KLHL32: variants seen among roughly 807,000 people sequenced by gnomAD.
KLHL32 encodes kelch like family member 32, also known as kelch-like protein 32.
KLHL32 carries 35 observed loss-of-function variants against 64.8 expected under a neutral mutation model. That is an observed-to-expected ratio of 0.54 (90% confidence interval 0.41 to 0.72). The LOEUF (loss-of-function observed/expected upper bound fraction) is 0.72. Ranked by LOEUF, KLHL32 falls within the 30% of genes least tolerant of loss-of-function variation. The pLI, the probability that KLHL32 is intolerant of heterozygous loss-of-function variation, is 0.00. For missense variants in KLHL32, 589 were observed against 768.5 expected (o/e 0.77, Z 2.76); for synonymous variants, 259 against 281.0 (o/e 0.92, Z 0.78).
intron 1 of KLHL32, among the ~76,000 whole-genome samples, chr6:96,964,601 C>A (rs549439506): frequency 4.1e-4 from 62 of 152,120 alleles, no homozygotes; most frequent in Non-Finnish European, 5.7e-4. Flanking sequence ...TGCAGTGAGC[C>A]GAGATCGCCC....
In KLHL32 at chr6:97,114,122, A is replaced by G; in HGVS notation, c.967A>G (p.Ile323Val). The change falls in exon 7 of 11, where the codon ATT becomes GTT. Residue 323 changes from isoleucine (I) to valine (V), a missense_variant. By Grantham distance (29) the Ile-to-Val change is conservative (BLOSUM62 3). Coordinates refer to ENST00000369261, the MANE Select transcript of KLHL32 (RefSeq NM_052904.4). ...VDQENALIAA[I>V]ANWSELAPMP... ...TCAGGAGAATGCTCTCATAGCTGCC[A>G]TTGCCAACTGGAGTGAGCTGGCTCC... The G allele has an allele frequency of 1.9e-6, 3 of 1,614,194 alleles. No individual in the cohort carries two copies. The highest frequency in any genetic ancestry group is 1.7e-6 in the Non-Finnish European group (2 of 1,180,042).
chr6:97,062,943 G>A (rs1789149493), intron 4 of KLHL32, among the ~76,000 whole-genome samples: 2 of 152,160 alleles, frequency 1.3e-5, no homozygotes, highest in African/African-American at 4.8e-5. Flanking sequence ...GTATATGAGG[G>A]AGTGGCCCAG....
intron 3 of KLHL32, among the ~76,000 whole-genome samples, chr6:97,016,687 T>G (rs1781244369): frequency 6.6e-6 from 1 of 152,148 alleles, no homozygotes; most frequent in Non-Finnish European, 1.5e-5. Flanking sequence ...TGTTTTGAAG[T>G]GTGAGGACGA....
chr6:97,090,210 G>A lies in KLHL32; in HGVS notation c.627+4869G>A, dbSNP rs117189678. 4.3e-4 allele frequency among the ~76,000 whole-genome samples: 66 copies of A among 152,222 alleles called. 1 individual carries two copies. In the East Asian group the frequency reaches 8.3e-3, roughly 19 times the overall value. On this transcript the variant is annotated intron_variant, in intron 6 of 10. Transcript: ENST00000369261. ...TTAAAATGTATTGAATGGATAATAA[G>A]ACATCCTACTATTCCTACATTAGGC...
chr6:97,137,008 T>A (rs1800093940), intron 10 of KLHL32, among the ~76,000 whole-genome samples: 1 of 152,178 alleles, frequency 6.6e-6, no homozygotes, highest in South Asian at 2.1e-4. Context: ...GTCACTTAAT[T>A]TTTTCCGGTA....
chr6:97,045,826 T>C (rs913594154), intron 4 of KLHL32, among the ~76,000 whole-genome samples: 4 of 152,012 alleles, frequency 2.6e-5, no homozygotes, highest in Admixed American at 6.6e-5. Flanking sequence ...TTTTTGAAGG[T>C]GAAGAAACCT....
intron 4 of KLHL32, among the ~76,000 whole-genome samples, chr6:97,043,746 TA>T (rs1335342274): frequency 6.6e-6 from 1 of 152,000 alleles, no homozygotes; most frequent in Non-Finnish European, 1.5e-5. Flanking sequence ...TTTTTTATAG[TA>T]GGGGTGAGGC....
chr6:96,987,623 A>T (rs759122573), intron 3 of KLHL32, among the ~76,000 whole-genome samples: 1 of 152,256 alleles, frequency 6.6e-6, no homozygotes, highest in Non-Finnish European at 1.5e-5. Flanking sequence ...ATATGGAACC[A>T]AAACAGAGCC....
chr6:96,907,917 T>C, the KLHL32 span, among the ~76,000 whole-genome samples: 1 of 152,228 alleles, frequency 6.6e-6, no homozygotes, highest in Non-Finnish European at 1.5e-5. Context: ...GAATGACTAG[T>C]TAATTTTCCA....
At chr6:97,131,383 G>A (rs1799426202) in intron 9 of KLHL32, among the ~76,000 whole-genome samples, 1 of 152,144 alleles carries the variant, frequency 6.6e-6, no homozygotes, top group African/African-American at 2.4e-5. Context: ...TCACTGTCAA[G>A]TATTGTTTCT....
Position 97,095,035 on chromosome 6 carries a change from T to A in KLHL32, c.627+9694T>A, listed in dbSNP as rs188907563. Among the ~76,000 whole-genome samples the A allele has an allele frequency of 8.7e-3, 1,320 of 152,338 alleles. 22 individuals carry two copies. Among genetic ancestry groups the A allele is most frequent in the African/African-American group, 0.031 (1,271 of 41,572 alleles). On this transcript the variant is annotated intron_variant, in intron 6 of 10. Coordinates refer to ENST00000369261, the MANE Select transcript of KLHL32 (RefSeq NM_052904.4). ...CTTTGATTAATTCATTTGCTCTTAA[T>A]ATAGCTTTTAATTTGTAATTCTACG...
intron 1 of KLHL32, among the ~76,000 whole-genome samples, chr6:96,927,823 C>T (rs1029711599): frequency 3.3e-5 from 5 of 152,166 alleles, no homozygotes; most frequent in African/African-American, 7.2e-5. Context: ...ATGGAGATAC[C>T]GTCTCTGCCC....
intron 7 of KLHL32, among the ~76,000 whole-genome samples, chr6:97,121,971 C>T (rs1582232204): frequency 1.3e-5 from 2 of 152,194 alleles, no homozygotes; most frequent in South Asian, 4.1e-4. Context: ...TTTGACCCTG[C>T]TGGGAATGTG....
At chr6:97,042,809 T>A (rs756497117) in intron 4 of KLHL32, among the ~76,000 whole-genome samples, 1 of 152,140 alleles carries the variant, frequency 6.6e-6, no homozygotes, top group East Asian at 1.9e-4. Flanking sequence ...CTGCTACAGT[T>A]TGGATGTTTG....
intron 3 of KLHL32, among the ~76,000 whole-genome samples, chr6:96,997,657 G>A (rs935473519): frequency 1.3e-5 from 2 of 152,120 alleles, no homozygotes; most frequent in Admixed American, 6.5e-5. Flanking sequence ...CAGGAGGATC[G>A]CTTGAGCCCA....
intron 2 of KLHL32, among the ~76,000 whole-genome samples, chr6:96,973,590 C>G (rs1388899819): frequency 6.6e-6 from 1 of 152,056 alleles, no homozygotes; most frequent in Non-Finnish European, 1.5e-5. Context: ...ACATTTCTTA[C>G]TGCTGTGTCA....
chr6:97,107,331 GC>G (rs1796559816), intron 6 of KLHL32, among the ~76,000 whole-genome samples: 5 of 152,006 alleles, frequency 3.3e-5, no homozygotes, highest in Admixed American at 3.3e-4. Context: ...TAGTGCATTT[GC>G]CTGGATTTTC....
intron 1 of KLHL32, among the ~76,000 whole-genome samples, chr6:96,938,454 T>C (rs1334116130): frequency 6.6e-6 from 1 of 152,136 alleles, no homozygotes; most frequent in Non-Finnish European, 1.5e-5. Context: ...ATGCTTCTCG[T>C]GTCCTGCAGA....
chr6:96,986,673 T>A (rs113333600), intron 3 of KLHL32, among the ~76,000 whole-genome samples: 1 of 152,290 alleles, frequency 6.6e-6, no homozygotes, highest in Admixed American at 6.5e-5. Context: ...CTCCAAGCAA[T>A]GCACGGGATA....
Sources: allele counts gnomAD v4.1 joint callset (sites outside exome capture counted in the v4.1 genomes callset), GRCh38; gene constraint gnomAD v4.1.1; transcripts MANE v1.5; gene names NCBI Gene and HGNC (gene_info 2026-07-23, HGNC 2026-07-21).